The following FOXO1 variants were observed in gnomAD, a reference collection of about 807,000 sequenced individuals.
FOXO1 encodes forkhead box O1.
In FOXO1, 6 loss-of-function variants were observed where a neutral mutation model predicts 44.1. That is an observed-to-expected ratio of 0.14 (90% CI 0.07 to 0.27). FOXO1 has a LOEUF of 0.27. Ranked by LOEUF, FOXO1 falls within the 10% of genes least tolerant of loss-of-function variation. The probability of loss-of-function intolerance (pLI) is 1.00; values close to 1 mark genes in which losing one functional copy is unlikely to be tolerated. For missense variants in FOXO1, 737 were observed against 888.8 expected (o/e 0.83, Z 2.17); for synonymous variants, 380 against 362.7 (o/e 1.05, Z -0.54).
intron 1 of FOXO1, among the ~76,000 whole-genome samples, chr13:40,640,230 G>A (rs1202531251): frequency 6.6e-6 from 1 of 152,208 alleles, no homozygotes; most frequent in Non-Finnish European, 1.5e-5. Context: ...TATGTAAAGG[G>A]AATTAAAAGA....
At chr13:40,654,363 G>A (rs1376386545) in intron 1 of FOXO1, among the ~76,000 whole-genome samples, 5 of 141,292 alleles carry the variant, frequency 3.5e-5, no homozygotes, top group African/African-American at 5.5e-5. Flanking sequence ...TTAGCCAGGC[G>A]TGGTGGTGGC....
chr13:40,587,680 C>CT (rs1362181759), intron 1 of FOXO1, among the ~76,000 whole-genome samples: 1 of 152,198 alleles, frequency 6.6e-6, no homozygotes, highest in Middle Eastern at 3.2e-3. Context: ...CACATCTGCT[C>CT]TTCCTGCCTG....
At chr13:40,621,343 A>C in intron 1 of FOXO1, 1 of 533,442 alleles carries the variant, frequency 1.9e-6, no homozygotes, top group Non-Finnish European at 3.0e-6. Flanking sequence ...ATAGCAAACA[A>C]TGGGTAAAAG....
chr13:40,584,970 T>A (rs879510276), intron 1 of FOXO1, among the ~76,000 whole-genome samples: 4 of 152,230 alleles, frequency 2.6e-5, no homozygotes, highest in Non-Finnish European at 4.4e-5. Context: ...GAAAATAAGG[T>A]AACTATGTTA....
chr13:40,593,318 G>A (rs983719120), intron 1 of FOXO1, among the ~76,000 whole-genome samples: 3 of 152,100 alleles, frequency 2.0e-5, no homozygotes, highest in African/African-American at 4.8e-5. Context: ...ATGAGCCACC[G>A]TGTCCAGCCT....
intron 1 of FOXO1, among the ~76,000 whole-genome samples, chr13:40,593,189 A>C (rs969752063): frequency 2.0e-5 from 3 of 151,792 alleles, no homozygotes; most frequent in Non-Finnish European, 4.4e-5. Context: ...ACGCCTGGCT[A>C]ATTTTTGTTG....
At chr13:40,628,131 A>C (rs1238456605) in intron 1 of FOXO1, among the ~76,000 whole-genome samples, 1 of 152,140 alleles carries the variant, frequency 6.6e-6, no homozygotes, top group East Asian at 1.9e-4. Flanking sequence ...GGGTACATAA[A>C]AGTTTTTTTT....
intron 1 of FOXO1, among the ~76,000 whole-genome samples, chr13:40,562,280 C>A (rs1035359207): frequency 6.6e-6 from 1 of 152,202 alleles, no homozygotes; most frequent in Non-Finnish European, 1.5e-5. Flanking sequence ...ACAGAGAACG[C>A]AAAGAGCTCT....
chr13:40,590,895 G>A (rs1252647369), intron 1 of FOXO1, among the ~76,000 whole-genome samples: 1 of 151,984 alleles, frequency 6.6e-6, no homozygotes, highest in African/African-American at 2.4e-5. Flanking sequence ...TACACTTTAC[G>A]AGCTGGCCAT....
In FOXO1 at chr13:40,583,723, T is replaced by C. The variant is rs151036877; in HGVS notation, c.631-22863A>G. Among the ~76,000 whole-genome samples, 219 of 152,364 alleles carry C rather than the reference T, an allele frequency of 1.4e-3. 1 individual carries two copies. The highest frequency in any genetic ancestry group is 5.1e-3 in the African/African-American group (213 of 41,596). Reference sequence around the variant, plus strand: ...ATGGCTTTGGCTTAAAGGAATGTTGTGACTGTTTTGATCTTCTATACAAAC... The same window carrying C: ...ATGGCTTTGGCTTAAAGGAATGTTGCGACTGTTTTGATCTTCTATACAAAC... On this transcript the variant is annotated intron_variant, in intron 1 of 2. Transcript: ENST00000379561.
At chr13:40,602,294 AT>A (rs1875839582) in intron 1 of FOXO1, among the ~76,000 whole-genome samples, 1 of 152,202 alleles carries the variant, frequency 6.6e-6, no homozygotes, top group Admixed American at 6.5e-5. Flanking sequence ...TAAATTAGTC[AT>A]TTGCAAGAAA....
rs768488321 is a variant in FOXO1, at chr13:40,559,666, G to A, written c.1825C>T (p.Arg609Cys). Residue 609 changes from arginine to cysteine, a missense_variant, in exon 2 of 3, where the codon CGC becomes TGC. By Grantham distance (180) the Arg-to-Cys change is radical. Transcript: ENST00000379561. ...ATGGATTCCATGTCACAGTCTAAGC[G>A]CTCAATGAACATGCCATCCAAGTCA... ...PSDLDGMFIE[R>C]LDCDMESIIR... is the part of the protein sequence containing the mutation. The A allele has an allele frequency of 3.7e-6, 6 of 1,614,174 alleles. No homozygotes were observed. The highest frequency in any genetic ancestry group is 2.2e-5 in the East Asian group (1 of 44,876).
chr13:40,655,824 A>T (rs759027811), intron 1 of FOXO1, among the ~76,000 whole-genome samples: 4 of 151,752 alleles, frequency 2.6e-5, no homozygotes, highest in Non-Finnish European at 5.9e-5. Flanking sequence ...TTGTATTTTT[A>T]GTAGAGATGG....
At chr13:40,569,728 C>G (rs931862326) in intron 1 of FOXO1, among the ~76,000 whole-genome samples, 2 of 152,116 alleles carry the variant, frequency 1.3e-5, no homozygotes, top group African/African-American at 4.8e-5. Context: ...GGATGTTGTT[C>G]AAGTTAAGGG....
chr13:40,568,115 G>T (rs1299906096), intron 1 of FOXO1, among the ~76,000 whole-genome samples: 1 of 152,098 alleles, frequency 6.6e-6, no homozygotes, highest in Non-Finnish European at 1.5e-5. Context: ...AAGCGGAAAG[G>T]TCCCCAGAGA....
At chr13:40,640,459 T>G (rs1436246321) in intron 1 of FOXO1, among the ~76,000 whole-genome samples, 1 of 152,240 alleles carries the variant, frequency 6.6e-6, no homozygotes, top group Non-Finnish European at 1.5e-5. Context: ...CTGGGCGCTA[T>G]TCTGCTCATC....
chr13:40,664,818 A>ACCGCCCGCGC (rs1454482266), intron 1 of FOXO1, among the ~76,000 whole-genome samples: 13 of 149,732 alleles, frequency 8.7e-5, no homozygotes, highest in Non-Finnish European at 1.8e-4. Flanking sequence ...CGCCACCGCC[A>ACCGCCCGCGC]CCGCCACCGC....
intron 1 of FOXO1, among the ~76,000 whole-genome samples, chr13:40,596,386 C>T (rs920430837): frequency 3.3e-5 from 5 of 152,154 alleles, no homozygotes; most frequent in African/African-American, 1.2e-4. Context: ...AAGATGTAAG[C>T]TTTCTGAAGA....
chr13:40,579,883 G>C (rs772793593), intron 1 of FOXO1, among the ~76,000 whole-genome samples: 1 of 152,204 alleles, frequency 6.6e-6, no homozygotes, highest in Non-Finnish European at 1.5e-5. Flanking sequence ...ACACCTGACA[G>C]TGAACATCAA....
Sources: gnomAD v4.1 joint callset for allele counts (sites outside exome capture counted in the v4.1 genomes callset) on GRCh38, gnomAD v4.1.1 for gene constraint, MANE v1.5 for transcripts, NCBI Gene and HGNC (gene_info 2026-07-23, HGNC 2026-07-21) for gene names.